The following COX7B2 variants were observed in gnomAD, a reference collection of about 807,000 sequenced individuals.
COX7B2 encodes cytochrome c oxidase subunit 7B2.
For missense variants in COX7B2, 109 were observed against 95.9 expected (o/e 1.14, Z -0.57); for synonymous variants, 37 against 32.1 (o/e 1.15, Z -0.51).
chr4:46,799,208 T>A (rs1490379465), intron 2 of COX7B2, among the ~76,000 whole-genome samples: 1 of 152,072 alleles, frequency 6.6e-6, no homozygotes, highest in Non-Finnish European at 1.5e-5. Context: ...TGTACATTGG[T>A]TTTTTATCCT....
chr4:46,899,890 G>A (rs867503758), intron 1 of COX7B2, among the ~76,000 whole-genome samples: 2 of 152,138 alleles, frequency 1.3e-5, no homozygotes, highest in South Asian at 2.1e-4. Context: ...ATGACAAAAA[G>A]TCATGTACTG....
At chr4:46,750,832 A>AT in intron 2 of COX7B2, among the ~76,000 whole-genome samples, 1 of 152,284 alleles carries the variant, frequency 6.6e-6, no homozygotes. Flanking sequence ...AAGAAAGCTC[A>AT]TTTTGATGTC....
intron 2 of COX7B2, among the ~76,000 whole-genome samples, chr4:46,809,884 T>C (rs971691928): frequency 4.6e-5 from 7 of 151,966 alleles, no homozygotes; most frequent in Non-Finnish European, 7.4e-5. Flanking sequence ...TATCTATTTC[T>C]CTTTATGTTC....
intron 1 of COX7B2, among the ~76,000 whole-genome samples, chr4:46,891,643 G>C (rs1432628787): frequency 1.3e-5 from 2 of 152,154 alleles, no homozygotes; most frequent in Non-Finnish European, 2.9e-5. Flanking sequence ...AATACATGTA[G>C]TAGACCAGTG....
chr4:46,787,273 C>T (rs916872835), intron 2 of COX7B2, among the ~76,000 whole-genome samples: 8 of 152,002 alleles, frequency 5.3e-5, no homozygotes, highest in African/African-American at 1.7e-4. Context: ...TATGGAGAAA[C>T]CCCGTCTCTA....
At chr4:46,759,826 CATATCTTATATAAG>C (rs1716029585) in intron 2 of COX7B2, among the ~76,000 whole-genome samples, 2 of 73,256 alleles carry the variant, frequency 2.7e-5, no homozygotes, top group African/African-American at 8.9e-5. Flanking sequence ...TTATATAAGT[CATATCTTATATAAG>C]TTATATAAGT....
At chr4:46,803,626 CAT>C (rs972823735) in intron 2 of COX7B2, among the ~76,000 whole-genome samples, 12 of 152,036 alleles carry the variant, frequency 7.9e-5, no homozygotes, top group Non-Finnish European at 1.6e-4. Context: ...AAACATGGCA[CAT>C]GTCTTCCTTC....
rs752127331 is a variant in COX7B2 at position 46,735,065 on chromosome 4, A to C, written c.128T>G (p.Leu43Arg). 3 of 1,614,012 alleles carry C rather than the reference A, an allele frequency of 1.9e-6. No homozygotes were observed. Among genetic ancestry groups the C allele is most frequent in the African/African-American group, 1.3e-5 (1 of 74,936 alleles). The change falls in exon 3 of 3, where the codon CTA becomes CGA. Residue 43 changes from leucine to arginine, a missense_variant. Leu to Arg is a moderately radical substitution (Grantham distance 102). Transcript: ENST00000355591. The stretch of plus-strand genomic sequence containing the variant: ...AACACAGAAAGCAGTTCCACTGGCT[A>C]GCACAGCATTACCATATTTATCATG... ...DFHDKYGNAV[L>R]ASGTAFCVAT...
chr4:46,908,631 T>G (rs567679367), intron 1 of COX7B2, among the ~76,000 whole-genome samples: 6 of 151,976 alleles, frequency 3.9e-5, no homozygotes, highest in South Asian at 2.1e-4. Context: ...CCTTTTAATT[T>G]TCCTTTTACT....
At chr4:46,836,363 TA>T (rs1715516505) in intron 2 of COX7B2, among the ~76,000 whole-genome samples, 1 of 151,888 alleles carries the variant, frequency 6.6e-6, no homozygotes, top group East Asian at 1.9e-4. Context: ...ATTTTTTTTT[TA>T]TATTTTTTTA....
At position 46,832,333 on chromosome 4, in the gene COX7B2, G is replaced by A. The variant is rs528829839; in HGVS notation, c.-50+12627C>T. On this transcript the variant is annotated intron_variant, in intron 2 of 2. Coordinates refer to ENST00000355591, the MANE Select transcript of COX7B2 (RefSeq NM_130902.3). ...AGAAGGAACAAACTCCAGACACGCC[G>A]CCTTTAAGAACTGTAACACCCACCC... Among the ~76,000 whole-genome samples the A allele has an allele frequency of 9.9e-5, 15 of 152,110 alleles. No individual in the cohort carries two copies. The Middle Eastern group carries it at 0.014, about 138-fold the overall frequency.
chr4:46,804,530 G>C (rs1309657010), intron 2 of COX7B2, among the ~76,000 whole-genome samples: 4 of 152,110 alleles, frequency 2.6e-5, no homozygotes, highest in African/African-American at 9.7e-5. Context: ...GCTAGATACA[G>C]AGTGTGGACA....
intron 2 of COX7B2, among the ~76,000 whole-genome samples, chr4:46,820,526 T>C (rs1429525818): frequency 6.6e-6 from 1 of 152,086 alleles, no homozygotes; most frequent in African/African-American, 2.4e-5. Flanking sequence ...TATCTTGCTT[T>C]TGGTTAAGAT....
At chr4:46,804,905 G>A (rs991863773) in intron 2 of COX7B2, among the ~76,000 whole-genome samples, 6 of 152,322 alleles carry the variant, frequency 3.9e-5, no homozygotes, top group Admixed American at 2.0e-4. Flanking sequence ...GGAGGCTCAG[G>A]CTGCGTGGGA....
chr4:46,835,357 C>G (rs1715440470), intron 2 of COX7B2, among the ~76,000 whole-genome samples: 1 of 151,818 alleles, frequency 6.6e-6, no homozygotes, highest in South Asian at 2.1e-4. Context: ...GCGTAAACAT[C>G]CTAAAATGAA....
intron 2 of COX7B2, among the ~76,000 whole-genome samples, chr4:46,779,073 A>C (rs1320261104): frequency 1.3e-5 from 2 of 152,140 alleles, no homozygotes; most frequent in East Asian, 3.9e-4. Context: ...GAAGTCATTG[A>C]CCTGACAATC....
intron 2 of COX7B2, among the ~76,000 whole-genome samples, chr4:46,775,241 A>C (rs1717091160): frequency 6.6e-6 from 1 of 152,092 alleles, no homozygotes; most frequent in Non-Finnish European, 1.5e-5. Flanking sequence ...TGTTATGAAA[A>C]GCATATATTA....
chr4:46,854,171 C>T (rs1263641402), intron 1 of COX7B2, among the ~76,000 whole-genome samples: 1 of 152,040 alleles, frequency 6.6e-6, no homozygotes, highest in African/African-American at 2.4e-5. Flanking sequence ...CAATATGTAT[C>T]AACATACAAG....
At chr4:46,806,139 T>C (rs1464348867) in intron 2 of COX7B2, among the ~76,000 whole-genome samples, 2 of 152,168 alleles carry the variant, frequency 1.3e-5, no homozygotes, top group Non-Finnish European at 2.9e-5. Flanking sequence ...GTTGCATGGA[T>C]TCACATTTCC....
Sources: allele counts gnomAD v4.1 joint callset (sites outside exome capture counted in the v4.1 genomes callset), GRCh38; gene constraint gnomAD v4.1.1; transcripts MANE v1.5; gene names NCBI Gene and HGNC (gene_info 2026-07-23, HGNC 2026-07-21).